The following MAGI3 variants were observed in gnomAD, a reference collection of about 807,000 sequenced individuals.
MAGI3 encodes membrane associated guanylate kinase, WW and PDZ domain containing 3.
Under a neutral mutation model 121.8 loss-of-function variants are expected in MAGI3, and 43 were observed. The observed-to-expected ratio is 0.35, with a 90% CI of 0.28 to 0.46. MAGI3 has a LOEUF of 0.46. MAGI3 is among the 20% of genes least tolerant of loss of function. The probability of loss-of-function intolerance (pLI) is 1.00; values close to 1 mark genes in which losing one functional copy is unlikely to be tolerated. For missense variants in MAGI3, 1,547 were observed against 1,797.3 expected, an observed-to-expected ratio of 0.86 and a Z score of 2.52; for synonymous variants, 553 against 639.3, an observed-to-expected ratio of 0.86 and a Z score of 2.04.
intron 1 of MAGI3, among the ~76,000 whole-genome samples, chr1:113,514,021 A>G (rs1354592578): frequency 5.3e-5 from 8 of 152,062 alleles, no homozygotes; most frequent in Non-Finnish European, 1.0e-4. Flanking sequence ...AACACATGAA[A>G]AAATGCTCAT....
chr1:113,549,420 G>T (rs1447626964), intron 1 of MAGI3, 95 bp from the exon 2 acceptor site: 1 of 628,314 alleles, frequency 1.6e-6, no homozygotes, highest in Non-Finnish European at 2.8e-6. Flanking sequence ...ATAGCTAACT[G>T]GTTTAAGAGT....
At chr1:113,451,723 A>G (rs887399200) in intron 1 of MAGI3, among the ~76,000 whole-genome samples, 1 of 152,164 alleles carries the variant, frequency 6.6e-6, no homozygotes, top group Non-Finnish European at 1.5e-5. Flanking sequence ...AAATAATCCC[A>G]ACTATTAACA....
intron 14 of MAGI3, 70 bp from the exon 15 acceptor site, chr1:113,653,760 C>T: frequency 7.5e-7 from 1 of 1,332,720 alleles, no homozygotes; most frequent in Non-Finnish European, 1.0e-6. Context: ...AGAGGCTTAG[C>T]ATAAAAACAC....
chr1:113,643,872 A>G, intron 11 of MAGI3, 98 bp downstream of exon 11: 2 of 1,288,028 alleles, frequency 1.6e-6, no homozygotes, highest in Middle Eastern at 3.7e-4. Context: ...ATGATTATCG[A>G]CTGGGAGAAG....
At chr1:113,468,113 A>G (rs571023536) in intron 1 of MAGI3, among the ~76,000 whole-genome samples, 1 of 152,032 alleles carries the variant, frequency 6.6e-6, no homozygotes, top group South Asian at 2.1e-4. Flanking sequence ...GTGTTTCTTT[A>G]TAGGTGCTAA....
At chr1:113,393,598 A>G (rs2101261298) in intron 1 of MAGI3, among the ~76,000 whole-genome samples, 2 of 152,350 alleles carry the variant, frequency 1.3e-5, no homozygotes, top group Admixed American at 1.3e-4. Flanking sequence ...ATAAAATAGC[A>G]AGATTTTTGC....
chr1:113,549,482 A>C, intron 1 of MAGI3, 33 bp from the exon 2 acceptor site: 2 of 1,221,160 alleles, frequency 1.6e-6, no homozygotes, highest in Non-Finnish European at 2.3e-6. Flanking sequence ...TTATGCATTT[A>C]TTTTCTGTTT....
rs1236535348 is a variant in MAGI3 at position 113,653,856 on chromosome 1, C to T, written c.2467C>T (p.Gln823Ter). ...GEKQPEDDSS[Q>*]AFISTQNGSP... Reference sequence around the variant, plus strand: ...AAAACAACCCGAGGACGACAGCTCTCAGGCCTTCATTTCAACACAGAATGG... The same window carrying T: ...AAAACAACCCGAGGACGACAGCTCTTAGGCCTTCATTTCAACACAGAATGG... Residue 823 changes from glutamine (Q) to a stop codon, truncating the protein, a stop_gained, in exon 15 of 21, where the codon CAG (glutamine) becomes TAG (stop). Coordinates refer to ENST00000307546, the MANE Select transcript of MAGI3 (RefSeq NM_001142782.2). LOFTEE classifies it high-confidence loss of function. 1 of 1,609,490 alleles carries T rather than the reference C, an allele frequency of 6.2e-7. No homozygotes were observed.
At chr1:113,406,992 G>A (rs554126343) in intron 1 of MAGI3, among the ~76,000 whole-genome samples, 4 of 152,236 alleles carry the variant, frequency 2.6e-5, no homozygotes, top group South Asian at 2.1e-4. Flanking sequence ...AACCTGGTTC[G>A]ATATAGGAAT....
Position 113,671,783 on chromosome 1 carries a change from C to G in MAGI3, c.2865C>G (p.Ala955=). 1.2e-6 allele frequency: 2 copies of G among 1,614,238 alleles called. No individual in the cohort carries two copies. The highest frequency in any genetic ancestry group is 2.2e-5 in the South Asian group (2 of 91,082). The change falls in exon 17 of 21, where the codon GCC becomes GCG. Residue 955 remains alanine, a synonymous_variant. Transcript: ENST00000307546. ...SGTNSARQSP[A]LQHRPMGQSQ... is the part of the protein sequence containing the mutation. ...CAAACTCAGCCAGGCAAAGCCCAGC[C>G]CTGCAGCACAGGCCCATGGGACAGT...
intron 9 of MAGI3, among the ~76,000 whole-genome samples, chr1:113,639,782 G>C (rs1652332308): frequency 2.0e-5 from 3 of 152,078 alleles, no homozygotes; most frequent in Admixed American, 6.5e-5. Context: ...TGGCCAGGCT[G>C]GTCTTGAACT....
At chr1:113,613,083 T>C (rs1487786730) in intron 6 of MAGI3, among the ~76,000 whole-genome samples, 1 of 152,164 alleles carries the variant, frequency 6.6e-6, no homozygotes, top group Non-Finnish European at 1.5e-5. Context: ...TACAGATATA[T>C]TCAAAAAAAT....
At chr1:113,610,392 T>C (rs1167778958) in intron 6 of MAGI3, among the ~76,000 whole-genome samples, 1 of 152,210 alleles carries the variant, frequency 6.6e-6, no homozygotes, top group African/African-American at 2.4e-5. Flanking sequence ...TCTTCACCTT[T>C]CTCTGCTCAG....
chr1:113,467,363 A>G (rs541628819), intron 1 of MAGI3, among the ~76,000 whole-genome samples: 1 of 152,252 alleles, frequency 6.6e-6, no homozygotes, highest in South Asian at 2.1e-4. Flanking sequence ...GTGGCCTAAG[A>G]TATGGTCTCT....
At position 113,671,963 on chromosome 1, in the gene MAGI3, A is replaced by C. The variant is rs910358669; in HGVS notation, c.2918+127A>C. On this transcript the variant is annotated intron_variant, in intron 17 of 20. Transcript: ENST00000307546. ...ATGCAGATGCCAGCTGTTGAGGTCAAAATGACAACTCTTGCCTGTTCCTCA... is the reference window on the plus strand; with the variant it reads ...ATGCAGATGCCAGCTGTTGAGGTCACAATGACAACTCTTGCCTGTTCCTCA... 6.2e-6 allele frequency: 5 copies of C among 808,210 alleles called. No individual in the cohort carries two copies. In the African/African-American group the frequency reaches 8.6e-5, roughly 14 times the overall value. The allele number at this position is 808,210 out of a possible 1,614,324, so 50.1% of individuals were successfully genotyped here.
At chr1:113,577,169 G>T (rs1182489511) in intron 2 of MAGI3, among the ~76,000 whole-genome samples, 1 of 152,116 alleles carries the variant, frequency 6.6e-6, no homozygotes, top group Middle Eastern at 3.2e-3. Context: ...GGTTTTTGAG[G>T]TCCTGGTAAT....
chr1:113,605,308 T>A (rs1316383522), intron 6 of MAGI3, among the ~76,000 whole-genome samples: 1 of 152,168 alleles, frequency 6.6e-6, no homozygotes, highest in Non-Finnish European at 1.5e-5. Context: ...ATACTACTCA[T>A]GAGTAAAAAG....
intron 1 of MAGI3, among the ~76,000 whole-genome samples, chr1:113,502,908 A>G (rs1450726407): frequency 2.2e-5 from 1 of 45,692 alleles, no homozygotes; most frequent in Non-Finnish European, 3.5e-5. Flanking sequence ...ATGAGTTCAT[A>G]TCCTTTGTAG....
intron 1 of MAGI3, among the ~76,000 whole-genome samples, chr1:113,440,972 A>T (rs1653883392): frequency 6.6e-6 from 1 of 152,068 alleles, no homozygotes; most frequent in Admixed American, 6.6e-5. Flanking sequence ...TGCTTCTGTT[A>T]CTTCTGATTG....
Sources: gnomAD v4.1 joint callset for allele counts (sites outside exome capture counted in the v4.1 genomes callset) on GRCh38, gnomAD v4.1.1 for gene constraint, MANE v1.5 for transcripts, NCBI Gene and HGNC (gene_info 2026-07-23, HGNC 2026-07-21) for gene names.